Variants in WDR27 observed in about 807,000 individuals in gnomAD.
The protein encoded by WDR27 is WD repeat-containing protein 27.
Under a neutral mutation model 114.4 loss-of-function variants are expected in WDR27, and 100 were observed. The ratio of observed to expected loss-of-function variants is 0.87; its 90% CI spans 0.74 to 1.03. The LOEUF is 1.03. Among genes scored for constraint, WDR27 ranks in the 50% least tolerant of loss-of-function variants. WDR27 has a pLI of 0.00. For missense variants in WDR27, 1,129 were observed against 1,092.9 expected (o/e 1.03, Z -0.47); for synonymous variants, 449 against 423.1 (o/e 1.06, Z -0.75).
intron 21 of WDR27, among the ~76,000 whole-genome samples, chr6:169,624,226 C>A (rs1018430663): frequency 6.7e-6 from 1 of 149,324 alleles, no homozygotes; most frequent in Non-Finnish European, 1.5e-5. Flanking sequence ...TCCGTGTGCG[C>A]ATCAGGTGTG....
At chr6:169,428,566 C>A in the WDR27 span, among the ~76,000 whole-genome samples, 1 of 114,646 alleles carries the variant, frequency 8.7e-6, no homozygotes, top group African/African-American at 3.4e-5. Flanking sequence ...AATCAAACAG[C>A]TTTCTTAGCT....
chr6:169,505,932 C>G (rs1450036243), intron 25 of WDR27, among the ~76,000 whole-genome samples: 1 of 152,174 alleles, frequency 6.6e-6, no homozygotes, highest in Non-Finnish European at 1.5e-5. Context: ...GGACACACTG[C>G]ACGCTGCCCA....
chr6:169,618,789 G>C (rs1173877348), intron 21 of WDR27, among the ~76,000 whole-genome samples: 1 of 152,148 alleles, frequency 6.6e-6, no homozygotes, highest in African/African-American at 2.4e-5. Flanking sequence ...GGACTTGTAG[G>C]ATGACAGTTT....
At chr6:169,448,424 A>G in the WDR27 span, among the ~76,000 whole-genome samples, 8 of 118,704 alleles carry the variant, frequency 6.7e-5, no homozygotes, top group African/African-American at 2.1e-4. Context: ...GTGTGTATGT[A>G]TATATATATA....
intron 22 of WDR27, among the ~76,000 whole-genome samples, chr6:169,609,234 T>C (rs1296737451): frequency 2.6e-5 from 4 of 152,152 alleles, no homozygotes; most frequent in Admixed American, 6.5e-5. Flanking sequence ...GTCTGGAGGA[T>C]GGTGGCCCTC....
At chr6:169,612,456 C>A (rs577583518) in intron 22 of WDR27, among the ~76,000 whole-genome samples, 33 of 150,542 alleles carry the variant, frequency 2.2e-4, no homozygotes, top group African/African-American at 7.1e-4. Flanking sequence ...AACAAACAAA[C>A]AAAAAATTAG....
At chr6:169,594,539 G>C (rs1174099576) in intron 23 of WDR27, among the ~76,000 whole-genome samples, 1 of 152,066 alleles carries the variant, frequency 6.6e-6, no homozygotes, top group Non-Finnish European at 1.5e-5. Flanking sequence ...TTAATGTGTG[G>C]CTACTTATTA....
At chr6:169,674,973 G>T (rs144025609) in intron 2 of WDR27, among the ~76,000 whole-genome samples, 1 of 152,198 alleles carries the variant, frequency 6.6e-6, no homozygotes. Context: ...TGAGCCAGGA[G>T]AAGGAATTTC....
At chr6:169,558,300 T>A (rs1009223248) in intron 25 of WDR27, 3 of 152,172 alleles carry the variant, frequency 2.0e-5, no homozygotes, top group African/African-American at 7.2e-5. Context: ...TCAGGAAGCA[T>A]CAATTGAACA....
At chr6:169,669,892 C>G (rs1333830575) in intron 4 of WDR27, 1 of 152,126 alleles carries the variant, frequency 6.6e-6, no homozygotes, top group Admixed American at 6.5e-5. Context: ...CCATGCCGAA[C>G]ATCCTTCCTC....
chr6:169,641,420 CCCT>C (rs1474047354), intron 17 of WDR27, among the ~76,000 whole-genome samples: 5 of 152,174 alleles, frequency 3.3e-5, no homozygotes, highest in Non-Finnish European at 7.3e-5. Context: ...CGGAAGGCCT[CCCT>C]CCTCTTTTCA....
intron 23 of WDR27, among the ~76,000 whole-genome samples, chr6:169,593,221 G>A (rs1806101082): frequency 6.6e-6 from 1 of 152,182 alleles, no homozygotes; most frequent in Admixed American, 6.5e-5. Flanking sequence ...ATGTTTAAGA[G>A]GTTGGTAAAA....
At chr6:169,553,677 A>G (rs2982403) in intron 25 of WDR27, among the ~76,000 whole-genome samples, 67,944 of 152,096 alleles carry the variant, frequency 0.45, 18,870 homozygotes, top group Non-Finnish European at 0.63. Flanking sequence ...GGCTAAATTG[A>G]TATTTTTATG....
chr6:169,545,718 A>G (rs1797374679), intron 25 of WDR27, among the ~76,000 whole-genome samples: 1 of 152,172 alleles, frequency 6.6e-6, no homozygotes, highest in South Asian at 2.1e-4. Context: ...GACCCTGTCA[A>G]GAGGATAAAA....
chr6:169,636,461 T>C lies in WDR27; in HGVS notation c.1913A>G (p.Tyr638Cys). The C allele has an allele frequency of 6.2e-7, 1 of 1,613,898 alleles. No individual in the cohort carries two copies. Among genetic ancestry groups the C allele is most frequent in the Non-Finnish European group, 8.5e-7 (1 of 1,179,824 alleles). ...FSKPIQSAQF[Y>C]YIDAFILLSS... ...TAACAATATAAAGGCATCTATATAA[T>C]AGAACTGTGCAGACTGTATAGGTTT... Residue 638 changes from tyrosine (Y) to cysteine (C), a missense_variant, in exon 19 of 26, where the codon TAT becomes TGT. By Grantham distance (194) the Tyr-to-Cys change is radical (BLOSUM62 -2). Coordinates refer to ENST00000448612, the MANE Select transcript of WDR27 (RefSeq NM_182552.5).
chr6:169,427,913 G>C, the WDR27 span, among the ~76,000 whole-genome samples: 2 of 151,938 alleles, frequency 1.3e-5, no homozygotes, highest in Non-Finnish European at 2.9e-5. Flanking sequence ...GCAAAGAGTC[G>C]TACATCTTTT....
intron 25 of WDR27, among the ~76,000 whole-genome samples, chr6:169,464,879 T>C (rs1350298327): frequency 2.0e-5 from 3 of 152,150 alleles, no homozygotes; most frequent in Non-Finnish European, 2.9e-5. Context: ...CCAGCACACT[T>C]TGGGAGGCCA....
At chr6:169,691,514 C>G (rs1194433734) in intron 1 of WDR27, among the ~76,000 whole-genome samples, 1 of 152,162 alleles carries the variant, frequency 6.6e-6, no homozygotes, top group Non-Finnish European at 1.5e-5. Flanking sequence ...CTGCTGTCAC[C>G]AGATCCACTG....
chr6:169,598,342 CA>C (rs1346225976), intron 23 of WDR27, among the ~76,000 whole-genome samples: 3 of 152,224 alleles, frequency 2.0e-5, no homozygotes, highest in East Asian at 3.9e-4. Flanking sequence ...CTGGAAAGCC[CA>C]AGGTCAAAGA....
Sources: gnomAD v4.1 joint callset for allele counts (sites outside exome capture counted in the v4.1 genomes callset) on GRCh38, gnomAD v4.1.1 for gene constraint, MANE v1.5 for transcripts, NCBI Gene and HGNC (gene_info 2026-07-23, HGNC 2026-07-21) for gene names.